The following CRISPLD2 variants were observed in gnomAD, a reference collection of about 807,000 sequenced individuals.
CRISPLD2 encodes cysteine-rich secretory protein LCCL domain-containing 2.
CRISPLD2 carries 47 observed loss-of-function variants against 71.1 expected under a neutral mutation model. That is an observed-to-expected ratio of 0.66 (90% CI 0.52 to 0.84). CRISPLD2 has a LOEUF of 0.84. Among genes scored for constraint, CRISPLD2 ranks in the 40% least tolerant of loss-of-function variants. The pLI is 0.00. For synonymous variants in CRISPLD2, 317 were observed against 250.1 expected (o/e 1.27, Z -2.52); for missense variants, 830 against 651.1 (o/e 1.27, Z -2.99).
At chr16:84,865,453 G>C (rs1374869930) in intron 6 of CRISPLD2, among the ~76,000 whole-genome samples, 1 of 152,180 alleles carries the variant, frequency 6.6e-6, no homozygotes, top group African/African-American at 2.4e-5. Context: ...ACCACACCTG[G>C]CCCTGAAACT....
At chr16:84,851,129 G>A (rs1917078118) in intron 5 of CRISPLD2, among the ~76,000 whole-genome samples, 1 of 152,230 alleles carries the variant, frequency 6.6e-6, no homozygotes, top group Non-Finnish European at 1.5e-5. Flanking sequence ...GCTGCTGGCT[G>A]GGCAACCAGC....
chr16:84,878,498 G>A (rs1018787884), intron 12 of CRISPLD2, among the ~76,000 whole-genome samples: 5 of 152,190 alleles, frequency 3.3e-5, no homozygotes, highest in African/African-American at 1.2e-4. Flanking sequence ...CAGCCGTGTT[G>A]TGGAGCGTGT....
At chr16:84,820,965 G>C (rs905718803) in intron 1 of CRISPLD2, among the ~76,000 whole-genome samples, 1 of 152,244 alleles carries the variant, frequency 6.6e-6, no homozygotes, top group Non-Finnish European at 1.5e-5. Context: ...CTAAGGCTGG[G>C]CTGGTGGACA....
intron 6 of CRISPLD2, among the ~76,000 whole-genome samples, chr16:84,865,121 G>C (rs185978541): frequency 6.6e-6 from 1 of 152,084 alleles, no homozygotes; most frequent in East Asian, 1.9e-4. Flanking sequence ...GTGGAGCTAA[G>C]ACTTAGGGAT....
At chr16:84,828,602 A>G (rs184528319) in intron 1 of CRISPLD2, among the ~76,000 whole-genome samples, 1 of 152,144 alleles carries the variant, frequency 6.6e-6, no homozygotes, top group African/African-American at 2.4e-5. Context: ...AAACAACCAC[A>G]CGTCTTCAAG....
In CRISPLD2 at chr16:84,838,744, C is replaced by T. The variant is rs775361702; in HGVS notation, c.240+9C>T. 26 of 1,608,290 alleles carry T rather than the reference C, an allele frequency of 1.6e-5. No individual in the cohort carries two copies. Among genetic ancestry groups the T allele is most frequent in the East Asian group, 1.1e-4 (5 of 44,728 alleles). ...CCAACATGGAGTACATGGTGAGCGCCGGCTCCGGCCGCAGAGGCTGGCACC... is the reference window on the plus strand; with the variant it reads ...CCAACATGGAGTACATGGTGAGCGCTGGCTCCGGCCGCAGAGGCTGGCACC... On this transcript the variant is annotated intron_variant, in intron 2 of 14. Coordinates refer to ENST00000262424, the MANE Select transcript of CRISPLD2 (RefSeq NM_031476.4).
chr16:84,824,711 G>A (rs888654406), intron 1 of CRISPLD2, among the ~76,000 whole-genome samples: 6 of 152,176 alleles, frequency 3.9e-5, no homozygotes, highest in South Asian at 2.1e-4. Context: ...GTCTGTTCAC[G>A]GCACCAGTGA....
chr16:84,884,295 A>G (rs114939061), intron 13 of CRISPLD2, among the ~76,000 whole-genome samples: 1 of 151,286 alleles, frequency 6.6e-6, no homozygotes, highest in South Asian at 2.1e-4. Flanking sequence ...CCTGCCCCTC[A>G]GTCACCTGAG....
intron 1 of CRISPLD2, among the ~76,000 whole-genome samples, chr16:84,831,330 G>C (rs991618754): frequency 6.6e-6 from 1 of 152,148 alleles, no homozygotes; most frequent in Non-Finnish European, 1.5e-5. Context: ...CAATGCTCAA[G>C]GTATATACAG....
intron 6 of CRISPLD2, among the ~76,000 whole-genome samples, chr16:84,865,309 T>C (rs1917505471): frequency 6.6e-6 from 1 of 152,084 alleles, no homozygotes; most frequent in Non-Finnish European, 1.5e-5. Flanking sequence ...GCACCCGCCA[T>C]CATGCCCAGC....
chr16:84,866,871 T>C (rs1420120612), intron 6 of CRISPLD2, 26 bp from the exon 7 acceptor site: 1 of 1,602,440 alleles, frequency 6.2e-7, no homozygotes, highest in South Asian at 1.1e-5. Flanking sequence ...GTGTGTTATT[T>C]TTTTTCCTCC....
chr16:84,827,092 C>G (rs972058031), intron 1 of CRISPLD2, among the ~76,000 whole-genome samples: 1 of 152,050 alleles, frequency 6.6e-6, no homozygotes, highest in Non-Finnish European at 1.5e-5. Context: ...CACAGCAGAG[C>G]CTGGCCGGCC....
intron 14 of CRISPLD2, 33 bp downstream of exon 14, chr16:84,889,396 A>G (rs1458707755): frequency 6.3e-7 from 1 of 1,582,974 alleles, no homozygotes; most frequent in Non-Finnish European, 8.6e-7. Flanking sequence ...TTGACACCCA[A>G]TCCCGGCTGC....
intron 14 of CRISPLD2, among the ~76,000 whole-genome samples, chr16:84,899,827 C>G (rs532414085): frequency 2.0e-5 from 3 of 152,250 alleles, no homozygotes; most frequent in African/African-American, 7.2e-5. Context: ...ACATGAGAAC[C>G]CACTGCACCG....
chr16:84,824,909 G>T (rs1597442742), intron 1 of CRISPLD2, among the ~76,000 whole-genome samples: 1 of 151,642 alleles, frequency 6.6e-6, no homozygotes, highest in South Asian at 2.1e-4. Flanking sequence ...TTTGAGACCA[G>T]CCTGACCAAC....
intron 6 of CRISPLD2, among the ~76,000 whole-genome samples, chr16:84,858,974 G>A (rs1000314688): frequency 3.3e-5 from 5 of 152,210 alleles, no homozygotes; most frequent in Non-Finnish European, 7.3e-5. Flanking sequence ...CAGGCCAAAT[G>A]GGAGAGTTGA....
chr16:84,852,886 C>T (rs1465979137), intron 5 of CRISPLD2, among the ~76,000 whole-genome samples: 1 of 152,112 alleles, frequency 6.6e-6, no homozygotes, highest in African/African-American at 2.4e-5. Context: ...TGGCAACTGG[C>T]AAAACCCCAT....
chr16:84,887,586 T>C (rs1007025096), intron 13 of CRISPLD2, among the ~76,000 whole-genome samples: 2 of 152,232 alleles, frequency 1.3e-5, no homozygotes, highest in Admixed American at 6.5e-5. Context: ...TCCTATAAAT[T>C]TGAAGTCAGG....
intron 1 of CRISPLD2, among the ~76,000 whole-genome samples, chr16:84,837,101 G>A (rs1567680875): frequency 6.6e-6 from 1 of 152,226 alleles, no homozygotes; most frequent in African/African-American, 2.4e-5. Flanking sequence ...CTTGATGGAG[G>A]TGACTGGGTG....
Sources: gnomAD v4.1 joint callset for allele counts (sites outside exome capture counted in the v4.1 genomes callset) on GRCh38, gnomAD v4.1.1 for gene constraint, MANE v1.5 for transcripts, NCBI Gene and HGNC (gene_info 2026-07-23, HGNC 2026-07-21) for gene names.